Variants in KCND2 observed in about 807,000 individuals in gnomAD.
KCND2 encodes potassium voltage-gated channel subfamily D member 2.
A neutral mutation model predicts 54.4 loss-of-function variants in KCND2; 16 were observed. That is an observed-to-expected ratio of 0.29 (90% CI 0.20 to 0.45). The LOEUF (loss-of-function observed/expected upper bound fraction) is 0.45, where lower values mean the gene tolerates loss of function less well. KCND2 is among the 20% of genes least tolerant of loss of function. The probability of loss-of-function intolerance (pLI) is 1.00; values close to 1 mark genes in which losing one functional copy is unlikely to be tolerated. For missense variants in KCND2, 486 were observed against 824.2 expected (o/e 0.59, Z 5.02); for synonymous variants, 317 against 310.7 (o/e 1.02, Z -0.21).
chr7:120,274,372 G>C lies in KCND2; in HGVS notation c.-261G>C. 1.7e-6 allele frequency: 1 copy of C among 574,224 alleles called. No homozygotes were observed. Among genetic ancestry groups the C allele is most frequent in the East Asian group, 2.9e-5 (1 of 33,938 alleles). The allele number at this position is 574,224 out of a possible 1,614,324, so 35.6% of individuals were successfully genotyped here. ...GTGGCCTAGCCCACCTGCAGGAAGA[G>C]ATTTGGCTGGGTTCTGTTGAGGGTG... On this transcript the variant is annotated 5_prime_UTR_variant, in exon 1 of 6. Coordinates refer to ENST00000331113, the MANE Select transcript of KCND2 (RefSeq NM_012281.3).
At chr7:120,693,035 A>G (rs1345708852) in intron 1 of KCND2, among the ~76,000 whole-genome samples, 4 of 152,238 alleles carry the variant, frequency 2.6e-5, no homozygotes, top group African/African-American at 9.6e-5. Flanking sequence ...AGATGAGCCA[A>G]TGAAGCATAA....
chr7:120,519,055 G>A (rs1803241813), intron 1 of KCND2, among the ~76,000 whole-genome samples: 1 of 152,074 alleles, frequency 6.6e-6, no homozygotes, highest in African/African-American at 2.4e-5. Flanking sequence ...TTGGCAGTAC[G>A]TGGTGGTTCC....
intron 1 of KCND2, among the ~76,000 whole-genome samples, chr7:120,347,695 T>A (rs923318654): frequency 5.3e-5 from 8 of 151,008 alleles, no homozygotes; most frequent in African/African-American, 2.0e-4. Context: ...AGGCAGAGGT[T>A]GCAGTGAGGA....
intron 1 of KCND2, among the ~76,000 whole-genome samples, chr7:120,341,180 A>G (rs187366235): frequency 6.6e-6 from 1 of 152,268 alleles, no homozygotes; most frequent in Admixed American, 6.5e-5. Context: ...AAAAGAAGCA[A>G]AGTCATGAAC....
chr7:120,273,121 A>C (rs933548210), upstream of KCND2, among the ~76,000 whole-genome samples: 11 of 151,534 alleles, frequency 7.3e-5, no homozygotes, highest in African/African-American at 1.5e-4. Context: ...GAGGAGCCCG[A>C]GGGGGCGGGG....
chr7:120,552,678 C>T (rs892749030), intron 1 of KCND2, among the ~76,000 whole-genome samples: 2 of 152,154 alleles, frequency 1.3e-5, no homozygotes, highest in Non-Finnish European at 2.9e-5. Flanking sequence ...GGGTGCCCTT[C>T]CCCTCTGAGT....
At chr7:120,579,044 C>T (rs2116439814) in intron 1 of KCND2, among the ~76,000 whole-genome samples, 1 of 152,068 alleles carries the variant, frequency 6.6e-6, no homozygotes, top group South Asian at 2.1e-4. Flanking sequence ...AAATCAAACA[C>T]TTTAATAAGG....
intron 1 of KCND2, among the ~76,000 whole-genome samples, chr7:120,368,324 CTTGGGT>C (rs1800716552): frequency 2.0e-5 from 3 of 151,740 alleles, no homozygotes; most frequent in Admixed American, 1.3e-4. Context: ...ATGTAAGTTT[CTTGGGT>C]TTTAAGGTAT....
At chr7:120,300,798 C>T (rs1215152676) in intron 1 of KCND2, among the ~76,000 whole-genome samples, 1 of 152,050 alleles carries the variant, frequency 6.6e-6, no homozygotes, top group Non-Finnish European at 1.5e-5. Context: ...ACACTAGGCA[C>T]AGTGTCTGTG....
intron 1 of KCND2, among the ~76,000 whole-genome samples, chr7:120,309,474 T>TATATATATATAC (rs1257702636): frequency 4.1e-4 from 47 of 113,266 alleles, no homozygotes; most frequent in African/African-American, 1.5e-3. Flanking sequence ...TATATATATA[T>TATATATATATAC]ACACACACAC....
At chr7:120,648,999 A>T (rs1186614618) in intron 1 of KCND2, among the ~76,000 whole-genome samples, 3 of 152,218 alleles carry the variant, frequency 2.0e-5, no homozygotes, top group Non-Finnish European at 4.4e-5. Context: ...AGCAAATTGA[A>T]ATTCACCTAT....
chr7:120,405,815 G>A (rs1192556122), intron 1 of KCND2, among the ~76,000 whole-genome samples: 2 of 151,892 alleles, frequency 1.3e-5, no homozygotes, highest in African/African-American at 4.8e-5. Flanking sequence ...ATGAAGGTAG[G>A]AGTATTCAAT....
intron 1 of KCND2, among the ~76,000 whole-genome samples, chr7:120,338,222 A>G (rs1446069689): frequency 6.6e-6 from 1 of 152,162 alleles, no homozygotes; most frequent in Admixed American, 6.5e-5. Flanking sequence ...CAAAACAACT[A>G]AAATATGAAA....
chr7:120,644,978 C>T (rs1002178486), intron 1 of KCND2, among the ~76,000 whole-genome samples: 2 of 151,976 alleles, frequency 1.3e-5, no homozygotes, highest in African/African-American at 2.4e-5. Flanking sequence ...TTCTGTGCTG[C>T]CTCTCTCTAA....
intron 1 of KCND2, among the ~76,000 whole-genome samples, chr7:120,279,734 A>C (rs1411541202): frequency 1.3e-5 from 2 of 151,990 alleles, no homozygotes; most frequent in African/African-American, 4.8e-5. Flanking sequence ...TTAAATTTTC[A>C]TAGCGATGTA....
intron 1 of KCND2, among the ~76,000 whole-genome samples, chr7:120,362,456 C>T (rs1338631075): frequency 6.6e-6 from 1 of 151,998 alleles, no homozygotes. Context: ...TTTTCAAGGC[C>T]AGGACAGTGG....
At chr7:120,479,475 A>T (rs1473957605) in intron 1 of KCND2, among the ~76,000 whole-genome samples, 1 of 151,896 alleles carries the variant, frequency 6.6e-6, no homozygotes, top group Non-Finnish European at 1.5e-5. Flanking sequence ...ATAAAATTTC[A>T]GCTTTCTTGT....
At chr7:120,579,761 C>A (rs1466071069) in intron 1 of KCND2, among the ~76,000 whole-genome samples, 3 of 151,688 alleles carry the variant, frequency 2.0e-5, no homozygotes, top group Non-Finnish European at 4.4e-5. Context: ...GAATCAAGAT[C>A]CATTTTTTAA....
chr7:120,546,461 C>G (rs1282680679), intron 1 of KCND2, among the ~76,000 whole-genome samples: 2 of 151,862 alleles, frequency 1.3e-5, no homozygotes, highest in African/African-American at 4.8e-5. Context: ...AGAAGGAAGT[C>G]TCACTTATTT....
Sources: allele counts gnomAD v4.1 joint callset (sites outside exome capture counted in the v4.1 genomes callset), GRCh38; gene constraint gnomAD v4.1.1; transcripts MANE v1.5; gene names NCBI Gene and HGNC (gene_info 2026-07-23, HGNC 2026-07-21).